Variants in HYDIN observed in about 807,000 individuals in gnomAD.
HYDIN encodes HYDIN axonemal central pair apparatus protein.
Under a neutral mutation model 403.9 loss-of-function variants are expected in HYDIN, and 132 were observed. The observed-to-expected ratio is 0.33, with a 90% CI of 0.28 to 0.38. The LOEUF is 0.38. HYDIN is among the 10% of genes least tolerant of loss of function. HYDIN has a pLI of 1.00. For synonymous variants in HYDIN, 1,202 were observed against 1,891.7 expected (o/e 0.64, Z 9.46); for missense variants, 2,827 against 5,009.5 (o/e 0.56, Z 13.15).
intron 75 of HYDIN, among the ~76,000 whole-genome samples, chr16:70,840,698 G>A (rs1337399846): frequency 1.3e-5 from 2 of 152,190 alleles, no homozygotes; most frequent in Admixed American, 6.5e-5. Flanking sequence ...AAGCCTTTCT[G>A]GGGAAGTTCT....
At chr16:70,931,466 A>C (rs1490977414) in intron 45 of HYDIN, among the ~76,000 whole-genome samples, 1 of 151,888 alleles carries the variant, frequency 6.6e-6, no homozygotes, top group African/African-American at 2.4e-5. Context: ...CAGCCTTGCT[A>C]CTCAGAGTGT....
intron 1 of HYDIN, among the ~76,000 whole-genome samples, chr16:71,212,173 T>C (rs2088627765): frequency 6.6e-6 from 1 of 152,174 alleles, no homozygotes; most frequent in Non-Finnish European, 1.5e-5. Flanking sequence ...AATATGAATA[T>C]GGATTGTAAA....
intron 18 of HYDIN, among the ~76,000 whole-genome samples, chr16:71,035,828 A>C (rs2081067153): frequency 6.6e-6 from 1 of 152,130 alleles, no homozygotes; most frequent in Non-Finnish European, 1.5e-5. Flanking sequence ...TTGGTTTCTA[A>C]GATATCCATA....
At chr16:70,984,384 TAAAAAA>T (rs71387558) in intron 28 of HYDIN, among the ~76,000 whole-genome samples, 17 of 90,724 alleles carry the variant, frequency 1.9e-4, no homozygotes, top group African/African-American at 6.9e-4. Flanking sequence ...GACATGGTCT[TAAAAAA>T]AAAAAAAAAA....
chr16:70,950,079 G>C (rs1365052127), intron 41 of HYDIN, among the ~76,000 whole-genome samples: 2 of 140,218 alleles, frequency 1.4e-5, no homozygotes, highest in East Asian at 2.0e-4. Context: ...TCAGAACAAC[G>C]TAAGACTGAA....
chr16:71,200,055 G>A (rs972302500), intron 1 of HYDIN, among the ~76,000 whole-genome samples: 3 of 152,174 alleles, frequency 2.0e-5, no homozygotes, highest in African/African-American at 7.2e-5. Flanking sequence ...AGATGGCCAC[G>A]AGAATGACCT....
chr16:70,813,267 G>C (rs2143437282), intron 84 of HYDIN, among the ~76,000 whole-genome samples: 1 of 149,916 alleles, frequency 6.7e-6, no homozygotes, highest in South Asian at 2.1e-4. Context: ...TTCTATTCTT[G>C]TGCACTCTTT....
At chr16:71,037,798 GA>G (rs2081143702) in intron 18 of HYDIN, among the ~76,000 whole-genome samples, 1 of 152,202 alleles carries the variant, frequency 6.6e-6, no homozygotes, top group African/African-American at 2.4e-5. Flanking sequence ...CAAGACTCCC[GA>G]AAGGAATGCA....
At chr16:70,826,412 C>A (rs1441444693) in intron 83 of HYDIN, among the ~76,000 whole-genome samples, 5 of 151,946 alleles carry the variant, frequency 3.3e-5, no homozygotes, top group African/African-American at 1.2e-4. Flanking sequence ...TTCACAATAG[C>A]TTATCCTTAT....
intron 1 of HYDIN, among the ~76,000 whole-genome samples, chr16:71,223,275 G>C (rs1362646496): frequency 6.6e-6 from 1 of 152,150 alleles, no homozygotes; most frequent in Non-Finnish European, 1.5e-5. Flanking sequence ...GCCACATGTA[G>C]AAGAATGAAA....
At chr16:71,002,955 T>C (rs2079767907) in intron 23 of HYDIN, among the ~76,000 whole-genome samples, 1 of 152,104 alleles carries the variant, frequency 6.6e-6, no homozygotes, top group Admixed American at 6.5e-5. Flanking sequence ...ATTACAGGTG[T>C]GATTTTGTAT....
chr16:71,056,767 T>C (rs2081912174), intron 18 of HYDIN, among the ~76,000 whole-genome samples: 1 of 152,092 alleles, frequency 6.6e-6, no homozygotes, highest in Non-Finnish European at 1.5e-5. Context: ...AATAAACTAT[T>C]AATTGAAGCT....
rs113635090 is a variant in HYDIN, at chr16:71,025,898, C to T, written c.3043-372G>A. 3.1e-3 allele frequency among the ~76,000 whole-genome samples: 473 copies of T among 151,954 alleles called. 2 individuals carry two copies. Among genetic ancestry groups the T allele is most frequent in the African/African-American group, 0.011 (436 of 41,460 alleles). On this transcript the variant is annotated intron_variant, in intron 20 of 85. Coordinates refer to ENST00000393567, the MANE Select transcript of HYDIN (RefSeq NM_001270974.2). ...AAAACTGTAGTTGGAAAGTTTTTGT[C>T]TTTTTCTTCCTTTTTTTTTTCAGAT...
chr16:70,900,184 G>A (rs1356938351), intron 53 of HYDIN, among the ~76,000 whole-genome samples: 13 of 152,064 alleles, frequency 8.5e-5, no homozygotes, highest in Non-Finnish European at 1.5e-5. Context: ...AGAAAGAAGT[G>A]GATGGGAAAG....
intron 77 of HYDIN, among the ~76,000 whole-genome samples, chr16:70,837,024 C>A (rs2037474342): frequency 6.6e-6 from 1 of 152,246 alleles, no homozygotes; most frequent in Non-Finnish European, 1.5e-5. Context: ...GCTATGCATT[C>A]CTGAAAGTCT....
chr16:71,143,754 T>C (rs2085259081), intron 7 of HYDIN, among the ~76,000 whole-genome samples: 5 of 152,288 alleles, frequency 3.3e-5, no homozygotes, highest in Non-Finnish European at 2.9e-5. Context: ...AGCAGCAACA[T>C]TACAGTCAAT....
chr16:71,145,993 A>G (rs560939647), intron 7 of HYDIN, among the ~76,000 whole-genome samples: 87 of 152,006 alleles, frequency 5.7e-4, no homozygotes, highest in African/African-American at 2.0e-3. Context: ...TCAAAACTCA[A>G]CAAATAGCGT....
At chr16:71,038,895 G>C (rs1218252733) in intron 18 of HYDIN, among the ~76,000 whole-genome samples, 1 of 151,830 alleles carries the variant, frequency 6.6e-6, no homozygotes, top group East Asian at 1.9e-4. Flanking sequence ...CTGACCTCAA[G>C]TGAACTGCCC....
chr16:71,074,097 T>C (rs1293344998), intron 13 of HYDIN, among the ~76,000 whole-genome samples: 3 of 152,268 alleles, frequency 2.0e-5, no homozygotes, highest in African/African-American at 7.2e-5. Context: ...TTTTTAGGAA[T>C]GGAACTTAGT....
Sources: gnomAD v4.1 joint callset for allele counts (sites outside exome capture counted in the v4.1 genomes callset) on GRCh38, gnomAD v4.1.1 for gene constraint, MANE v1.5 for transcripts, NCBI Gene and HGNC (gene_info 2026-07-23, HGNC 2026-07-21) for gene names.